RIT2: variants seen among roughly 807,000 people sequenced by gnomAD.
RIT2 encodes Ras like without CAAX 2.
Under a neutral mutation model 23.7 loss-of-function variants are expected in RIT2, and 24 were observed. The ratio of observed to expected loss-of-function variants is 1.01; its 90% CI spans 0.73 to 1.43. RIT2 has a LOEUF of 1.43. RIT2 is among the 40% of genes most tolerant of loss of function. The pLI, the probability that RIT2 is intolerant of heterozygous loss-of-function variation, is 0.00. For missense variants in RIT2, 236 were observed against 266.9 expected (o/e 0.88, Z 0.81); for synonymous variants, 107 against 91.1 (o/e 1.17, Z -0.99).
intron 4 of RIT2, among the ~76,000 whole-genome samples, chr18:42,908,516 A>C (rs947255621): frequency 6.6e-6 from 1 of 152,218 alleles, no homozygotes; most frequent in African/African-American, 2.4e-5. Flanking sequence ...TGAAAACTAA[A>C]CCCAAAGAAT....
At chr18:43,024,782 G>T (rs981776409) in intron 2 of RIT2, among the ~76,000 whole-genome samples, 6 of 151,248 alleles carry the variant, frequency 4.0e-5, no homozygotes, top group African/African-American at 7.3e-5. Context: ...AACATAAAAA[G>T]ACTTTTTTTT....
chr18:43,050,163 A>G (rs1912345539), intron 1 of RIT2, among the ~76,000 whole-genome samples: 2 of 151,382 alleles, frequency 1.3e-5, no homozygotes, highest in Non-Finnish European at 1.5e-5. Context: ...AGTAGCTGAG[A>G]GTGCAAGTGT....
At chr18:43,051,168 C>A (rs1208496919) in intron 1 of RIT2, among the ~76,000 whole-genome samples, 1 of 151,988 alleles carries the variant, frequency 6.6e-6, no homozygotes, top group African/African-American at 2.4e-5. Flanking sequence ...AGAGGAGACC[C>A]AGTTCACTAC....
intron 4 of RIT2, among the ~76,000 whole-genome samples, chr18:42,908,994 A>G (rs1330625385): frequency 6.6e-6 from 1 of 152,158 alleles, no homozygotes; most frequent in African/African-American, 2.4e-5. Flanking sequence ...AAAGGAAAAG[A>G]AGTCGTTGTA....
Position 42,816,643 on chromosome 18 carries a change from T to C in RIT2, c.427-72923A>G, listed in dbSNP as rs150772957. Among the ~76,000 whole-genome samples, 82 of 152,208 alleles carry C rather than the reference T, an allele frequency of 5.4e-4. No homozygotes were observed. The East Asian group carries it at 0.011, about 21-fold the overall frequency. The stretch of plus-strand genomic sequence containing the variant: ...CTATTCAAAAATATATAATCCCACA[T>C]AATAACACAATGTAAACAGCAAGGC... On this transcript the variant is annotated intron_variant, in intron 4 of 4. Transcript: ENST00000326695.
intron 1 of RIT2, among the ~76,000 whole-genome samples, chr18:43,065,565 T>C (rs565182023): frequency 2.6e-5 from 4 of 152,312 alleles, no homozygotes; most frequent in South Asian, 2.1e-4. Context: ...CAACCATCTG[T>C]ATATGCATAG....
At chr18:42,960,839 C>T (rs1053634021) in intron 3 of RIT2, among the ~76,000 whole-genome samples, 1 of 152,160 alleles carries the variant, frequency 6.6e-6, no homozygotes, top group African/African-American at 2.4e-5. Flanking sequence ...AAGGTATACT[C>T]ATCACTTCCT....
At chr18:42,795,233 C>T (rs1332975023) in intron 4 of RIT2, among the ~76,000 whole-genome samples, 1 of 152,222 alleles carries the variant, frequency 6.6e-6, no homozygotes, top group Non-Finnish European at 1.5e-5. Context: ...TCTCAGCTTG[C>T]AGGGAGGTGT....
At chr18:42,811,787 T>G (rs1290193558) in intron 4 of RIT2, among the ~76,000 whole-genome samples, 1 of 151,928 alleles carries the variant, frequency 6.6e-6, no homozygotes, top group Non-Finnish European at 1.5e-5. Flanking sequence ...AATTACTGAT[T>G]AAAAGACATC....
chr18:42,826,441 A>G (rs1487734979), intron 4 of RIT2, among the ~76,000 whole-genome samples: 1 of 152,026 alleles, frequency 6.6e-6, no homozygotes, highest in Non-Finnish European at 1.5e-5. Flanking sequence ...GCAAAAAAAC[A>G]TTTCATAAAA....
chr18:43,108,933 G>A lies in RIT2; in HGVS notation c.103+6484C>T, dbSNP rs148035308. On this transcript the variant is annotated intron_variant, in intron 1 of 4. Transcript: ENST00000326695. ...AGTCCACAGGGTTAGGATAACGCAT[G>A]GCCACGATGTGACAATTGTTGAGCT... Among the ~76,000 whole-genome samples, 1,024 of 152,284 alleles carry A rather than the reference G, an allele frequency of 6.7e-3. 4 individuals are homozygous for A. Among genetic ancestry groups the A allele is most frequent in the Non-Finnish European group, 0.011 (731 of 68,026 alleles).
Position 43,108,347 on chromosome 18 carries a change from C to CGTGTGT in RIT2, c.103+7064_103+7069dup, listed in dbSNP as rs138256652. 5.0e-3 allele frequency among the ~76,000 whole-genome samples: 748 copies of CGTGTGT among 149,296 alleles called. 7 individuals carry two copies. The highest frequency in any genetic ancestry group is 0.017 in the African/African-American group (712 of 40,810). On this transcript the variant is annotated intron_variant, in intron 1 of 4. Coordinates refer to ENST00000326695, the MANE Select transcript of RIT2 (RefSeq NM_002930.4). ...TATCTATGTGCCTTGGGCCATATTA[C>CGTGTGT]GTGTGTGTGTGTGTGTGTGTGTGTA...
At chr18:42,863,333 T>G (rs975521054) in intron 4 of RIT2, among the ~76,000 whole-genome samples, 1 of 152,140 alleles carries the variant, frequency 6.6e-6, no homozygotes, top group Non-Finnish European at 1.5e-5. Flanking sequence ...TTCTCATCAT[T>G]CGAAAGGACA....
intron 2 of RIT2, among the ~76,000 whole-genome samples, chr18:43,026,642 A>AAGAG (rs1911738587): frequency 6.8e-6 from 1 of 147,002 alleles, no homozygotes; most frequent in Admixed American, 6.8e-5. Flanking sequence ...GAAAGAGAGA[A>AAGAG]AGAAGGAAAG....
At chr18:42,745,652 G>A (rs1040976295) in intron 4 of RIT2, among the ~76,000 whole-genome samples, 11 of 151,830 alleles carry the variant, frequency 7.2e-5, no homozygotes, top group East Asian at 1.9e-4. Context: ...GAAATGCAGC[G>A]AAAACAATCA....
chr18:42,843,713 T>C (rs916199639), intron 4 of RIT2, among the ~76,000 whole-genome samples: 1 of 152,186 alleles, frequency 6.6e-6, no homozygotes, highest in African/African-American at 2.4e-5. Flanking sequence ...TATAGAACTT[T>C]GGCAAGTATA....
chr18:43,062,854 A>G (rs1366496885), intron 1 of RIT2, among the ~76,000 whole-genome samples: 1 of 152,180 alleles, frequency 6.6e-6, no homozygotes, highest in Non-Finnish European at 1.5e-5. Flanking sequence ...ATAAAGCATT[A>G]ATTAGATAAA....
At chr18:42,943,027 G>T (rs1732418892) in intron 3 of RIT2, among the ~76,000 whole-genome samples, 1 of 151,984 alleles carries the variant, frequency 6.6e-6, no homozygotes, top group Admixed American at 6.6e-5. Flanking sequence ...CTTAAAGATG[G>T]CATGGACCCA....
At chr18:42,984,111 T>C (rs1380369714) in intron 2 of RIT2, among the ~76,000 whole-genome samples, 1 of 152,122 alleles carries the variant, frequency 6.6e-6, no homozygotes, top group African/African-American at 2.4e-5. Context: ...TTTCAAGTTG[T>C]TTATCTTAGT....
Sources: gnomAD v4.1 joint callset for allele counts (sites outside exome capture counted in the v4.1 genomes callset) on GRCh38, gnomAD v4.1.1 for gene constraint, MANE v1.5 for transcripts, NCBI Gene and HGNC (gene_info 2026-07-23, HGNC 2026-07-21) for gene names.